Variants in GRID2 observed in about 807,000 individuals in gnomAD.
GRID2 encodes the protein glutamate receptor ionotropic, delta-2.
A neutral mutation model predicts 114.8 loss-of-function variants in GRID2; 33 were observed. The ratio of observed to expected loss-of-function variants is 0.29; its 90% CI spans 0.22 to 0.38. GRID2 has a LOEUF of 0.38. GRID2 is among the 10% of genes least tolerant of loss of function. GRID2 has a pLI of 1.00. For missense variants in GRID2, 1,184 were observed against 1,257.7 expected (o/e 0.94, Z 0.89); for synonymous variants, 505 against 449.9 (o/e 1.12, Z -1.55).
chr4:92,670,035 C>T (rs1732981150), intron 2 of GRID2, among the ~76,000 whole-genome samples: 1 of 151,996 alleles, frequency 6.6e-6, no homozygotes, highest in Admixed American at 6.6e-5. Flanking sequence ...TGCACCAAAA[C>T]TTGCAAAAGT....
chr4:92,328,915 T>A (rs1272409885), intron 1 of GRID2, among the ~76,000 whole-genome samples: 1 of 152,042 alleles, frequency 6.6e-6, no homozygotes, highest in Non-Finnish European at 1.5e-5. Flanking sequence ...AATTATTTGT[T>A]CATTTTTATT....
chr4:92,912,222 G>T (rs1412331539), intron 2 of GRID2, among the ~76,000 whole-genome samples: 1 of 151,828 alleles, frequency 6.6e-6, no homozygotes, highest in Non-Finnish European at 1.5e-5. Flanking sequence ...GGATATATGA[G>T]CTTTTAACTT....
intron 2 of GRID2, among the ~76,000 whole-genome samples, chr4:92,818,798 C>T (rs907396622): frequency 1.3e-5 from 2 of 152,116 alleles, no homozygotes; most frequent in Non-Finnish European, 2.9e-5. Context: ...CAATGAATTT[C>T]TGCCTATGGA....
chr4:93,074,645 G>C (rs1034399558), intron 2 of GRID2, among the ~76,000 whole-genome samples: 1 of 152,108 alleles, frequency 6.6e-6, no homozygotes, highest in African/African-American at 2.4e-5. Context: ...GTGAAGATCA[G>C]AGCCGAAATC....
At chr4:92,781,973 T>G (rs1430553269) in intron 2 of GRID2, among the ~76,000 whole-genome samples, 2 of 152,070 alleles carry the variant, frequency 1.3e-5, no homozygotes, top group African/African-American at 4.8e-5. Context: ...AATAGGGACT[T>G]TATTGTTTTT....
intron 10 of GRID2, among the ~76,000 whole-genome samples, chr4:93,446,613 C>T (rs1167040023): frequency 9.2e-5 from 14 of 152,004 alleles, no homozygotes; most frequent in Non-Finnish European, 1.8e-4. Context: ...TTGAAGATCT[C>T]ATGAACTTTC....
At chr4:93,217,960 G>T (rs1286953821) in intron 6 of GRID2, among the ~76,000 whole-genome samples, 2 of 151,508 alleles carry the variant, frequency 1.3e-5, no homozygotes, top group East Asian at 3.9e-4. Context: ...TAACAGTTTG[G>T]AAATATAACC....
intron 2 of GRID2, among the ~76,000 whole-genome samples, chr4:92,816,920 C>G (rs544542165): frequency 2.0e-5 from 3 of 152,216 alleles, no homozygotes; most frequent in African/African-American, 7.2e-5. Flanking sequence ...ATTCTTCTCT[C>G]TCTTCTAAGG....
chr4:93,428,827 G>T (rs753247311), intron 10 of GRID2, among the ~76,000 whole-genome samples: 2 of 152,066 alleles, frequency 1.3e-5, no homozygotes, highest in African/African-American at 2.4e-5. Flanking sequence ...CAGTGCCGAC[G>T]CCCACTCAGG....
intron 2 of GRID2, among the ~76,000 whole-genome samples, chr4:92,728,444 C>G (rs1372535076): frequency 6.6e-6 from 1 of 152,030 alleles, no homozygotes; most frequent in East Asian, 1.9e-4. Flanking sequence ...TGTAAGCTCG[C>G]TCAAGTGATT....
intron 13 of GRID2, among the ~76,000 whole-genome samples, chr4:93,573,458 C>T (rs568954448): frequency 6.6e-6 from 1 of 152,254 alleles, no homozygotes; most frequent in South Asian, 2.1e-4. Context: ...TTATCTTCAT[C>T]AGGGTGCTTT....
At chr4:93,744,448 C>T (rs1731675412) in intron 14 of GRID2, among the ~76,000 whole-genome samples, 1 of 152,122 alleles carries the variant, frequency 6.6e-6, no homozygotes, top group Non-Finnish European at 1.5e-5. Context: ...TTCCAATCCT[C>T]ATGGATAACT....
At chr4:93,592,849 A>C (rs2149618338) in intron 13 of GRID2, among the ~76,000 whole-genome samples, 1 of 152,200 alleles carries the variant, frequency 6.6e-6, no homozygotes, top group East Asian at 1.9e-4. Flanking sequence ...GTTGGCTTAA[A>C]GTCTGTTTCA....
At chr4:93,347,036 T>C (rs1042038484) in intron 8 of GRID2, among the ~76,000 whole-genome samples, 1 of 152,078 alleles carries the variant, frequency 6.6e-6, no homozygotes, top group African/African-American at 2.4e-5. Context: ...TTTCGGTCTT[T>C]CCTTGCCTCA....
intron 1 of GRID2, among the ~76,000 whole-genome samples, chr4:92,378,994 A>G (rs1490813184): frequency 3.3e-5 from 5 of 151,912 alleles, no homozygotes; most frequent in Admixed American, 3.3e-4. Flanking sequence ...TAAGTTTATC[A>G]ATATTTCTAT....
chr4:92,356,762 A>T (rs1282509241), intron 1 of GRID2, among the ~76,000 whole-genome samples: 1 of 151,792 alleles, frequency 6.6e-6, no homozygotes, highest in East Asian at 1.9e-4. Flanking sequence ...TTTCTATAGT[A>T]ACTAATGCAC....
At chr4:92,869,852 T>TA (rs1745145528) in intron 2 of GRID2, among the ~76,000 whole-genome samples, 3 of 152,132 alleles carry the variant, frequency 2.0e-5, no homozygotes, top group Non-Finnish European at 2.9e-5. Flanking sequence ...CCAGACCACC[T>TA]TAACTTCAAC....
At position 93,196,414 on chromosome 4, in the gene GRID2, C is replaced by T. The variant is rs1579258261; in HGVS notation, c.736-10990C>T. On this transcript the variant is annotated intron_variant, in intron 4 of 15. Transcript: ENST00000282020. ...CTTTTGGATATTTTGCACAGAAAAA[C>T]AATAAAACCTTTTGATTTTTGTTTT... Among the ~76,000 whole-genome samples the T allele has an allele frequency of 2.0e-5, 3 of 152,174 alleles. No individual in the cohort carries two copies. In the East Asian group the frequency reaches 5.8e-4, roughly 29 times the overall value.
At chr4:93,099,567 T>C (rs1014903748) in intron 3 of GRID2, among the ~76,000 whole-genome samples, 1 of 151,758 alleles carries the variant, frequency 6.6e-6, no homozygotes, top group African/African-American at 2.4e-5. Context: ...GTATGCTGGG[T>C]AGATATGTAC....
Sources: allele counts gnomAD v4.1 joint callset (sites outside exome capture counted in the v4.1 genomes callset), GRCh38; gene constraint gnomAD v4.1.1; transcripts MANE v1.5; gene names NCBI Gene and HGNC (gene_info 2026-07-23, HGNC 2026-07-21).